Variants in HDAC8 observed in about 807,000 individuals in gnomAD.
HDAC8 encodes the protein histone deacetylase-like 1.
Under a neutral mutation model 32.2 loss-of-function variants are expected in HDAC8, and 1 was observed. The ratio of observed to expected loss-of-function variants is 0.03; its 90% CI spans 0.01 to 0.15. The LOEUF is 0.15. HDAC8 is among the 10% of genes least tolerant of loss of function. HDAC8 has a pLI of 1.00. For synonymous variants in HDAC8, 108 were observed against 113.9 expected, an observed-to-expected ratio of 0.95 and a Z score of 0.33; for missense variants, 117 against 300.0, an observed-to-expected ratio of 0.39 and a Z score of 4.51.
intron 4 of HDAC8, among the ~76,000 whole-genome samples, chrX:72,541,000 C>T (rs2050688318): frequency 9.0e-6 from 1 of 111,444 alleles, no homozygotes; most frequent in African/African-American, 3.3e-5. Flanking sequence ...TAGTAAGGAA[C>T]AAAACAGACA....
chrX:72,513,787 A>G (rs935723160), intron 4 of HDAC8, among the ~76,000 whole-genome samples: 1 of 112,066 alleles, frequency 8.9e-6, no homozygotes, highest in East Asian at 2.8e-4. Flanking sequence ...ACTGGAACAG[A>G]TTATTTTAAA....
chrX:72,382,554 G>A (rs374496799), intron 9 of HDAC8, among the ~76,000 whole-genome samples: 6 of 112,224 alleles, frequency 5.3e-5, no homozygotes, highest in South Asian at 3.7e-4. Context: ...GCTCCTATGC[G>A]GTAATAAAAA....
intron 4 of HDAC8, among the ~76,000 whole-genome samples, chrX:72,521,099 A>C (rs1004036759): frequency 8.9e-6 from 1 of 111,929 alleles, no homozygotes; most frequent in Non-Finnish European, 1.9e-5. Context: ...GTGGGGTGAT[A>C]ATTTGAAACT....
chrX:72,571,553 CTTTTTTTTTTTTTTTTT>C (rs782331910), intron 2 of HDAC8, among the ~76,000 whole-genome samples: 2 of 30,449 alleles, frequency 6.6e-5, no homozygotes, highest in Non-Finnish European at 1.2e-4. Flanking sequence ...TTCTTTCTTT[CTTTTTTTTTTTTTTTTT>C]TTTTTTTTTT....
chrX:72,556,888 C>T (rs1190083417), intron 4 of HDAC8, among the ~76,000 whole-genome samples: 1 of 112,110 alleles, frequency 8.9e-6, no homozygotes, highest in African/African-American at 3.2e-5. Flanking sequence ...TTAAACTATA[C>T]TCTCGAACAA....
intron 9 of HDAC8, among the ~76,000 whole-genome samples, chrX:72,419,517 GT>G (rs1412400460): frequency 6.3e-5 from 7 of 111,628 alleles, no homozygotes; most frequent in Non-Finnish European, 1.1e-4. Flanking sequence ...TAAAATGTTT[GT>G]GCTATAAAAG....
intron 7 of HDAC8, among the ~76,000 whole-genome samples, chrX:72,488,391 C>T (rs920167013): frequency 1.8e-5 from 2 of 111,412 alleles, no homozygotes; most frequent in South Asian, 3.8e-4. Context: ...GTGGTCCACA[C>T]ATTGGCACCA....
At chrX:72,551,091 A>G (rs1363594929) in intron 4 of HDAC8, among the ~76,000 whole-genome samples, 6 of 110,555 alleles carry the variant, frequency 5.4e-5, no homozygotes, top group African/African-American at 2.0e-4. Context: ...ACACACACAC[A>G]CACACACACA....
intron 4 of HDAC8, among the ~76,000 whole-genome samples, chrX:72,524,116 T>C (rs73498397): frequency 0.084 from 9,430 of 112,175 alleles, 895 homozygotes; most frequent in African/African-American, 0.28. Context: ...TGACAGAAAC[T>C]CTATGGCCTG....
chrX:72,441,908 T>G (rs1490569396), intron 9 of HDAC8, among the ~76,000 whole-genome samples: 3 of 111,589 alleles, frequency 2.7e-5, no homozygotes, highest in African/African-American at 9.8e-5. Flanking sequence ...CAGGAGCCGA[T>G]GCGATCAACT....
At chrX:72,368,354 A>G (rs1183142779) in intron 9 of HDAC8, among the ~76,000 whole-genome samples, 2 of 88,679 alleles carry the variant, frequency 2.3e-5, no homozygotes, top group Non-Finnish European at 4.1e-5. Flanking sequence ...GTGTTTCCAC[A>G]AGGCTTTTTT....
intron 9 of HDAC8, among the ~76,000 whole-genome samples, chrX:72,456,088 C>A (rs2047710491): frequency 9.0e-6 from 1 of 111,481 alleles, no homozygotes; most frequent in African/African-American, 3.3e-5. Context: ...TTTAAAAAAA[C>A]AACATCTCAA....
chrX:72,458,235 G>C (rs2047773791), intron 9 of HDAC8, among the ~76,000 whole-genome samples: 1 of 112,701 alleles, frequency 8.9e-6, no homozygotes, highest in Non-Finnish European at 1.9e-5. Flanking sequence ...GGGACTGCTT[G>C]GCTGGCCAAC....
In HDAC8 at chrX:72,343,175, A is replaced by AT. The variant is rs1276944752; in HGVS notation, c.1111+8557dup. 3.7e-3 allele frequency among the ~76,000 whole-genome samples: 380 copies of AT among 101,772 alleles called. 2 individuals carry two copies. The highest frequency in any genetic ancestry group is 5.7e-3 in the Non-Finnish European group (282 of 49,760). 88.4% of individuals were successfully genotyped at this position (101,772 alleles called of 115,157 possible). On this transcript the variant is annotated intron_variant, in intron 10 of 10. Transcript: ENST00000373573. ...TTCATCTAGAATGTACTTCACTACC[A>AT]TTTTTTTTTTTTAAGACAGGGTCTC...
chrX:72,516,172 C>A (rs2049795655), intron 4 of HDAC8, among the ~76,000 whole-genome samples: 1 of 111,990 alleles, frequency 8.9e-6, no homozygotes, highest in Non-Finnish European at 1.9e-5. Flanking sequence ...GGCTAAACTG[C>A]ATCAGGAGAA....
At chrX:72,350,283 A>G (rs1300837339) in intron 10 of HDAC8, among the ~76,000 whole-genome samples, 1 of 111,696 alleles carries the variant, frequency 9.0e-6, no homozygotes, top group Non-Finnish European at 1.9e-5. Context: ...ATGCTGTGAG[A>G]ATAACCTTGA....
At chrX:72,464,483 G>C in intron 8 of HDAC8, 76 bp downstream of exon 8, 1 of 909,537 alleles carries the variant, frequency 1.1e-6, no homozygotes, top group Admixed American at 2.2e-5. Context: ...AGAAAGCCAA[G>C]TTTTCCAAGT....
chrX:72,362,860 CAAG>C (rs1555953134), intron 9 of HDAC8, among the ~76,000 whole-genome samples: 1 of 111,177 alleles, frequency 9.0e-6, no homozygotes, highest in South Asian at 3.8e-4. Flanking sequence ...GCAGAGAGAT[CAAG>C]AAGAGAAGGA....
intron 9 of HDAC8, among the ~76,000 whole-genome samples, chrX:72,452,390 AG>A (rs1175654827): frequency 8.9e-6 from 1 of 112,282 alleles, no homozygotes; most frequent in Non-Finnish European, 1.9e-5. Context: ...TGGGAGGCGG[AG>A]GTTGCAGTGA....
Sources: gnomAD v4.1 joint callset for allele counts (sites outside exome capture counted in the v4.1 genomes callset) on GRCh38, gnomAD v4.1.1 for gene constraint, MANE v1.5 for transcripts, NCBI Gene and HGNC (gene_info 2026-07-23, HGNC 2026-07-21) for gene names.